The following DCC variants were observed in gnomAD, a reference collection of about 807,000 sequenced individuals.
The protein encoded by DCC is netrin receptor DCC.
Under a neutral mutation model 172.5 loss-of-function variants are expected in DCC, and 58 were observed. The observed-to-expected ratio is 0.34, with a 90% CI of 0.27 to 0.42. The LOEUF (loss-of-function observed/expected upper bound fraction) is 0.42, where lower values mean the gene tolerates loss of function less well. DCC is among the 10% of genes least tolerant of loss of function. The probability of loss-of-function intolerance (pLI) is 1.00; values close to 1 mark genes in which losing one functional copy is unlikely to be tolerated. For missense variants in DCC, 1,740 were observed against 1,791.0 expected (o/e 0.97, Z 0.51); for synonymous variants, 709 against 644.5 (o/e 1.10, Z -1.52).
At chr18:53,284,395 C>A (rs1006224515) in intron 12 of DCC, among the ~76,000 whole-genome samples, 5 of 152,042 alleles carry the variant, frequency 3.3e-5, no homozygotes, top group African/African-American at 9.7e-5. Flanking sequence ...CTTTCCCGTG[C>A]TGTTTTTGTG....
In DCC at chr18:53,025,619, C is replaced by A. The variant is rs193086264; in HGVS notation, c.986-37686C>A. Reference sequence around the variant, plus strand: ...AAGACTCTAATATCTGACTCTGATGCCTGATTTTATGATGTTTTACCCAAA... The same window carrying A: ...AAGACTCTAATATCTGACTCTGATGACTGATTTTATGATGTTTTACCCAAA... On this transcript the variant is annotated intron_variant, in intron 5 of 28. Coordinates refer to ENST00000442544, the MANE Select transcript of DCC (RefSeq NM_005215.4). Among the ~76,000 whole-genome samples the A allele has an allele frequency of 3.9e-5, 6 of 152,100 alleles. 1 individual carries two copies. In the East Asian group the frequency reaches 9.7e-4, roughly 24 times the overall value.
chr18:52,730,514 T>G (rs780918101), intron 1 of DCC, among the ~76,000 whole-genome samples: 5 of 152,220 alleles, frequency 3.3e-5, no homozygotes, highest in Non-Finnish European at 5.9e-5. Context: ...TCTTTCAAAG[T>G]ATGTGAACTA....
At chr18:53,179,670 A>C (rs2055165460) in intron 9 of DCC, among the ~76,000 whole-genome samples, 1 of 152,014 alleles carries the variant, frequency 6.6e-6, no homozygotes, top group Non-Finnish European at 1.5e-5. Context: ...TTTTTTTTTC[A>C]CAAAGTAGAG....
chr18:53,261,852 G>A (rs1052082723), intron 12 of DCC, among the ~76,000 whole-genome samples: 41 of 152,168 alleles, frequency 2.7e-4, no homozygotes, highest in Non-Finnish European at 5.1e-4. Context: ...CCCCCAATTA[G>A]TACTGGACTT....
chr18:53,111,660 A>G (rs1289659094), intron 7 of DCC, among the ~76,000 whole-genome samples: 3 of 151,788 alleles, frequency 2.0e-5, no homozygotes, highest in African/African-American at 7.2e-5. Context: ...CATCATGTTT[A>G]GATCCTCAGT....
intron 1 of DCC, among the ~76,000 whole-genome samples, chr18:52,365,352 T>A (rs1984799330): frequency 6.6e-6 from 1 of 152,238 alleles, no homozygotes; most frequent in South Asian, 2.1e-4. Context: ...ACAGACAAGA[T>A]CCTTGAAAAC....
chr18:52,695,795 T>C (rs146635006), intron 1 of DCC, among the ~76,000 whole-genome samples: 2 of 152,320 alleles, frequency 1.3e-5, no homozygotes, highest in East Asian at 3.9e-4. Context: ...TAGTTTATTG[T>C]AAACTATATT....
chr18:53,174,239 A>C (rs2055056045), intron 8 of DCC, among the ~76,000 whole-genome samples: 1 of 142,990 alleles, frequency 7.0e-6, no homozygotes, highest in Non-Finnish European at 1.5e-5. Flanking sequence ...AAAGATCCAA[A>C]ATTGACACCC....
chr18:52,782,181 T>C (rs1251346936), intron 2 of DCC, among the ~76,000 whole-genome samples: 1 of 152,138 alleles, frequency 6.6e-6, no homozygotes, highest in Non-Finnish European at 1.5e-5. Flanking sequence ...GGGTGCTCTT[T>C]AGAGAGAATA....
intron 2 of DCC, among the ~76,000 whole-genome samples, chr18:52,867,128 T>G (rs2039240725): frequency 6.6e-6 from 1 of 152,212 alleles, no homozygotes; most frequent in Non-Finnish European, 1.5e-5. Flanking sequence ...CAGCATCTAT[T>G]GAGATAATCA....
intron 1 of DCC, among the ~76,000 whole-genome samples, chr18:52,639,479 T>C (rs1167251422): frequency 6.6e-6 from 1 of 152,052 alleles, no homozygotes; most frequent in African/African-American, 2.4e-5. Flanking sequence ...CAGGAGATAT[T>C]ACAACTGACA....
chr18:52,597,327 T>A (rs1346750635), intron 1 of DCC, among the ~76,000 whole-genome samples: 1 of 152,168 alleles, frequency 6.6e-6, no homozygotes, highest in Non-Finnish European at 1.5e-5. Flanking sequence ...TGTTTACACT[T>A]TTTCATGCTC....
At chr18:52,571,264 GAGA>G (rs921127064) in intron 1 of DCC, among the ~76,000 whole-genome samples, 3 of 152,024 alleles carry the variant, frequency 2.0e-5, no homozygotes, top group Non-Finnish European at 4.4e-5. Flanking sequence ...GAGAAAGAGA[GAGA>G]AGGAGTGGTG....
At chr18:53,410,386 G>A (rs769118268) in intron 19 of DCC, 66 bp from the exon 20 acceptor site, 2 of 932,550 alleles carry the variant, frequency 2.1e-6, no homozygotes, top group Non-Finnish European at 3.6e-6. Context: ...GGGAAACCTG[G>A]GTGTTTGGAA....
intron 18 of DCC, among the ~76,000 whole-genome samples, chr18:53,398,555 T>C (rs1568106746): frequency 6.6e-6 from 1 of 152,182 alleles, no homozygotes; most frequent in Non-Finnish European, 1.5e-5. Context: ...CTCTTCCTTT[T>C]TACTTGAAAG....
chr18:52,419,612 GA>G (rs1243043964), intron 1 of DCC: 1 of 152,060 alleles, frequency 6.6e-6, no homozygotes, highest in Non-Finnish European at 1.5e-5. Context: ...TCTGAGATAA[GA>G]AGATCATTCC....
At chr18:52,885,960 G>A (rs1224949143) in intron 2 of DCC, among the ~76,000 whole-genome samples, 2 of 151,730 alleles carry the variant, frequency 1.3e-5, no homozygotes, top group Non-Finnish European at 2.9e-5. Context: ...TTTGAGATAG[G>A]CCCCAGAATG....
At chr18:53,216,387 A>C (rs775155473) in intron 12 of DCC, among the ~76,000 whole-genome samples, 1 of 152,168 alleles carries the variant, frequency 6.6e-6, no homozygotes, top group African/African-American at 2.4e-5. Context: ...AAGCTCTGGG[A>C]GACAGCAGAG....
At chr18:52,464,580 A>G (rs1472704031) in intron 1 of DCC, among the ~76,000 whole-genome samples, 1 of 152,212 alleles carries the variant, frequency 6.6e-6, no homozygotes, top group African/African-American at 2.4e-5. Flanking sequence ...TACTTTACAC[A>G]TTCAACAGGT....
Sources: gnomAD v4.1 joint callset for allele counts (sites outside exome capture counted in the v4.1 genomes callset) on GRCh38, gnomAD v4.1.1 for gene constraint, MANE v1.5 for transcripts, NCBI Gene and HGNC (gene_info 2026-07-23, HGNC 2026-07-21) for gene names.